SYT1: variants seen among roughly 807,000 people sequenced by gnomAD.
SYT1 encodes the protein synaptotagmin 1.
A neutral mutation model predicts 44.8 loss-of-function variants in SYT1; 8 were observed. The ratio of observed to expected loss-of-function variants is 0.18; its 90% CI spans 0.10 to 0.32. The LOEUF (loss-of-function observed/expected upper bound fraction) is 0.32, where lower values mean the gene tolerates loss of function less well. Ranked by LOEUF, SYT1 falls within the 10% of genes least tolerant of loss-of-function variation. The probability of loss-of-function intolerance (pLI) is 1.00; values close to 1 mark genes in which losing one functional copy is unlikely to be tolerated. For missense variants in SYT1, 286 were observed against 509.3 expected, an observed-to-expected ratio of 0.56 and a Z score of 4.22; for synonymous variants, 154 against 188.8, an observed-to-expected ratio of 0.82 and a Z score of 1.51.
At chr12:78,962,306 G>A (rs1043315920) in intron 1 of SYT1, among the ~76,000 whole-genome samples, 5 of 150,374 alleles carry the variant, frequency 3.3e-5, no homozygotes, top group African/African-American at 9.8e-5. Flanking sequence ...TGCTTGGTAC[G>A]CAGTAATCAT....
chr12:79,120,962 T>TAC (rs35017834), intron 3 of SYT1, among the ~76,000 whole-genome samples: 16,763 of 150,026 alleles, frequency 0.11, 996 homozygotes, highest in African/African-American at 0.13. Flanking sequence ...TAGATATATA[T>TAC]ACACACACAC....
chr12:78,890,978 A>G (rs1266673259), intron 1 of SYT1, among the ~76,000 whole-genome samples: 2 of 151,896 alleles, frequency 1.3e-5, no homozygotes, highest in Non-Finnish European at 2.9e-5. Flanking sequence ...ATAGCTCACT[A>G]TTTTATTTAG....
chr12:78,948,953 C>CTATTA (rs71441943), intron 1 of SYT1, among the ~76,000 whole-genome samples: 3,486 of 142,454 alleles, frequency 0.024, 58 homozygotes, highest in Admixed American at 0.04. Context: ...AAATCAAGGC[C>CTATTA]TATTATATTA....
At chr12:79,084,556 A>G (rs1158298008) in intron 3 of SYT1, among the ~76,000 whole-genome samples, 2 of 152,100 alleles carry the variant, frequency 1.3e-5, no homozygotes, top group African/African-American at 4.8e-5. Context: ...ACTTTTAGTG[A>G]TATTCACACT....
At chr12:78,900,059 G>A (rs1875577008) in intron 1 of SYT1, among the ~76,000 whole-genome samples, 1 of 151,988 alleles carries the variant, frequency 6.6e-6, no homozygotes, top group South Asian at 2.1e-4. Context: ...TGACAAACCA[G>A]GTTAATCAAA....
intron 3 of SYT1, among the ~76,000 whole-genome samples, chr12:79,179,005 TAG>T (rs1451496208): frequency 9.0e-5 from 4 of 44,676 alleles, no homozygotes; most frequent in East Asian, 5.5e-4. Context: ...GATATAGATA[TAG>T]ATATATAGAT....
intron 6 of SYT1, among the ~76,000 whole-genome samples, chr12:79,292,529 A>C (rs956474667): frequency 2.6e-5 from 4 of 152,226 alleles, no homozygotes; most frequent in African/African-American, 4.8e-5. Context: ...TTGGGCCGCT[A>C]TTCTAGCCAA....
rs202222759 is a variant in SYT1 at position 79,403,224 on chromosome 12, T to C, written c.929-40849T>C. Reference sequence around the variant, plus strand: ...AATAAGACCTTCTATTATACAGGATTCCCCAGAGAAACAGAACCAATAGTG... The same window carrying C: ...AATAAGACCTTCTATTATACAGGATCCCCCAGAGAAACAGAACCAATAGTG... On this transcript the variant is annotated intron_variant, in intron 9 of 10. Coordinates refer to ENST00000261205, the MANE Select transcript of SYT1 (RefSeq NM_005639.3). 8.5e-5 allele frequency among the ~76,000 whole-genome samples: 13 copies of C among 152,118 alleles called. No individual in the cohort carries two copies. The East Asian group carries it at 2.1e-3, about 25-fold the overall frequency.
intron 3 of SYT1, among the ~76,000 whole-genome samples, chr12:79,144,375 C>T (rs1869745735): frequency 6.6e-6 from 1 of 152,218 alleles, no homozygotes; most frequent in African/African-American, 2.4e-5. Context: ...CCTTCCCTGA[C>T]ATTTTTCAGT....
intron 4 of SYT1, among the ~76,000 whole-genome samples, chr12:79,236,178 A>G (rs901494338): frequency 6.6e-6 from 1 of 152,186 alleles, no homozygotes; most frequent in Non-Finnish European, 1.5e-5. Context: ...ATTGTACATA[A>G]ATCTTTCAGA....
At chr12:79,000,709 T>G (rs1410405246) in intron 2 of SYT1, among the ~76,000 whole-genome samples, 1 of 152,202 alleles carries the variant, frequency 6.6e-6, no homozygotes, top group Non-Finnish European at 1.5e-5. Flanking sequence ...TTCCTAATGG[T>G]GCCTTAGTCA....
intron 3 of SYT1, among the ~76,000 whole-genome samples, chr12:79,191,460 A>C (rs1873119409): frequency 6.6e-6 from 1 of 152,166 alleles, no homozygotes; most frequent in Non-Finnish European, 1.5e-5. Flanking sequence ...TGGGAATAAA[A>C]ATAGGCAAAG....
intron 3 of SYT1, among the ~76,000 whole-genome samples, chr12:79,187,233 A>G (rs1872854187): frequency 6.6e-6 from 1 of 152,064 alleles, no homozygotes; most frequent in Admixed American, 6.6e-5. Flanking sequence ...TATATATTGG[A>G]TGGAGCCCAA....
At chr12:79,277,393 C>T (rs1878796459) in intron 4 of SYT1, among the ~76,000 whole-genome samples, 1 of 152,028 alleles carries the variant, frequency 6.6e-6, no homozygotes, top group Non-Finnish European at 1.5e-5. Flanking sequence ...AACTATCAGC[C>T]AAGAATTTTG....
intron 9 of SYT1, among the ~76,000 whole-genome samples, chr12:79,404,818 A>C (rs1237038125): frequency 6.6e-6 from 1 of 152,194 alleles, no homozygotes; most frequent in East Asian, 1.9e-4. Flanking sequence ...TATATCAGCT[A>C]TCACGAAAAA....
chr12:79,017,771 T>C (rs982785259), intron 2 of SYT1, among the ~76,000 whole-genome samples: 2 of 152,028 alleles, frequency 1.3e-5, no homozygotes, highest in Non-Finnish European at 2.9e-5. Flanking sequence ...CATGATTAGA[T>C]TGTACTTTGA....
chr12:78,916,507 C>A (rs1239375696), intron 1 of SYT1, among the ~76,000 whole-genome samples: 1 of 151,716 alleles, frequency 6.6e-6, no homozygotes, highest in Non-Finnish European at 1.5e-5. Flanking sequence ...TCTCTCTTAT[C>A]CTACTTTTTT....
intron 2 of SYT1, among the ~76,000 whole-genome samples, chr12:78,994,666 G>A (rs367851030): frequency 2.6e-5 from 4 of 151,454 alleles, no homozygotes; most frequent in African/African-American, 9.7e-5. Context: ...CTCCTGAGGA[G>A]CTGGGATTAC....
chr12:79,132,933 G>A (rs1433495186), intron 3 of SYT1, among the ~76,000 whole-genome samples: 1 of 152,032 alleles, frequency 6.6e-6, no homozygotes, highest in African/African-American at 2.4e-5. Context: ...ATAAAATCCT[G>A]TCATTTGCAG....
Sources: allele counts gnomAD v4.1 joint callset (sites outside exome capture counted in the v4.1 genomes callset), GRCh38; gene constraint gnomAD v4.1.1; transcripts MANE v1.5; gene names NCBI Gene and HGNC (gene_info 2026-07-23, HGNC 2026-07-21).